The following SLC35F3 variants were observed in gnomAD, a reference collection of about 807,000 sequenced individuals.
The protein encoded by SLC35F3 is putative thiamine transporter SLC35F3.
SLC35F3 carries 25 observed loss-of-function variants against 49.9 expected under a neutral mutation model. That is an observed-to-expected ratio of 0.50 (90% CI 0.37 to 0.70). SLC35F3 has a LOEUF of 0.70. SLC35F3 is among the 30% of genes least tolerant of loss of function. The pLI is 0.00. For synonymous variants in SLC35F3, 275 were observed against 265.4 expected (o/e 1.04, Z -0.35); for missense variants, 525 against 639.8 (o/e 0.82, Z 1.94).
At position 233,905,687 on chromosome 1, in the gene SLC35F3, C is replaced by A. The variant is rs1661764341; in HGVS notation, c.212C>A (p.Thr71Lys). The change falls in exon 2 of 8, where the codon ACG becomes AAG. Residue 71 changes from threonine to lysine, a missense_variant. By Grantham distance (78) the Thr-to-Lys change is moderately conservative (BLOSUM62 -1). This residue lies in a region of SLC35F3 where 228 missense variants were observed against 218.9 expected (regional missense o/e 1.04). Transcript: ENST00000366618. Reference sequence around the variant, plus strand: ...CTCACCAGCGGGCCGGTGGGGCTCACGTCCATCGAGGAGCGGATCCTGCGC... The same window carrying A: ...CTCACCAGCGGGCCGGTGGGGCTCAAGTCCATCGAGGAGCGGATCCTGCGC... ...EDLTSGPVGL[T>K]SIEERILRIT... The A allele has an allele frequency of 5.0e-6, 8 of 1,614,196 alleles. No homozygotes were observed. The highest frequency in any genetic ancestry group is 6.8e-6 in the Non-Finnish European group (8 of 1,180,040).
chr1:234,150,060 C>T (rs923295609), intron 2 of SLC35F3, among the ~76,000 whole-genome samples: 4 of 152,236 alleles, frequency 2.6e-5, no homozygotes, highest in African/African-American at 9.6e-5. Context: ...TAGACTTTGG[C>T]TCCAACCAGC....
rs115310110 is a variant in SLC35F3, at chr1:233,979,638, G to T, written c.283+73880G>T. ...TAGGTGGGAACTGCTTAGGCTCCAT[G>T]CACTGTTTTAAAAAAAACTTTCAGC... is the stretch of plus-strand genomic sequence containing the variant. On this transcript the variant is annotated intron_variant, in intron 2 of 7. Coordinates refer to ENST00000366618, the MANE Select transcript of SLC35F3 (RefSeq NM_173508.4). 9.3e-3 allele frequency among the ~76,000 whole-genome samples: 1,409 copies of T among 152,210 alleles called. 11 individuals are homozygous for T. Among genetic ancestry groups the T allele is most frequent in the Middle Eastern group, 0.027 (8 of 294 alleles).
chr1:234,069,403 A>C (rs974133522), intron 2 of SLC35F3, among the ~76,000 whole-genome samples: 1 of 151,492 alleles, frequency 6.6e-6, no homozygotes, highest in South Asian at 2.1e-4. Flanking sequence ...GACTACAGGC[A>C]TGTGCCACCA....
At position 234,286,053 on chromosome 1, in the gene SLC35F3, A is replaced by G. The variant is rs143337441; in HGVS notation, c.609-23048A>G. Among the ~76,000 whole-genome samples, 220 of 152,342 alleles carry G rather than the reference A, an allele frequency of 1.4e-3. 2 individuals are homozygous for G. The highest frequency in any genetic ancestry group is 9.5e-3 in the South Asian group (46 of 4,830). On this transcript the variant is annotated intron_variant, in intron 3 of 7. Transcript: ENST00000366618. Reference sequence around the variant, plus strand: ...AAACTTACATTTGTAAAAGTTATCAATGACACAAAATCAGAGAGCATAGTG... The same window carrying G: ...AAACTTACATTTGTAAAAGTTATCAGTGACACAAAATCAGAGAGCATAGTG...
chr1:234,306,920 C>G (rs144626558), intron 3 of SLC35F3, among the ~76,000 whole-genome samples: 1 of 152,164 alleles, frequency 6.6e-6, no homozygotes, highest in African/African-American at 2.4e-5. Context: ...ATTCTGCTTG[C>G]ATGATGTTCT....
At chr1:234,019,557 T>TC (rs368040745) in intron 2 of SLC35F3, among the ~76,000 whole-genome samples, 13 of 152,270 alleles carry the variant, frequency 8.5e-5, no homozygotes, top group African/African-American at 2.9e-4. Context: ...GGGGTTTTTT[T>TC]CCTCAAGGCC....
chr1:234,032,293 G>T (rs145301934), intron 2 of SLC35F3, among the ~76,000 whole-genome samples: 168 of 152,118 alleles, frequency 1.1e-3, no homozygotes, highest in African/African-American at 3.9e-3. Flanking sequence ...CATTGAACTT[G>T]TGGTAAATTA....
At chr1:234,202,769 A>T (rs867498235) in intron 2 of SLC35F3, among the ~76,000 whole-genome samples, 3 of 152,238 alleles carry the variant, frequency 2.0e-5, no homozygotes, top group Non-Finnish European at 4.4e-5. Context: ...TAGCCTCTTC[A>T]CTCACACATA....
rs117945800 is a variant in SLC35F3 at position 234,034,952 on chromosome 1, C to A, written c.283+129194C>A. 2.3e-4 allele frequency among the ~76,000 whole-genome samples: 35 copies of A among 152,248 alleles called. No individual in the cohort carries two copies. In the East Asian group the frequency reaches 4.1e-3, roughly 18 times the overall value. On this transcript the variant is annotated intron_variant, in intron 2 of 7. Transcript: ENST00000366618. ...CATAAATTCAACTCCAAACTCTGCA[C>A]CAATTTTTTTTAAACTTTACTCAAG...
intron 2 of SLC35F3, among the ~76,000 whole-genome samples, chr1:234,030,561 C>T (rs1002214155): frequency 2.6e-4 from 39 of 152,142 alleles, no homozygotes; most frequent in Non-Finnish European, 1.3e-4. Context: ...AGTTATAAAG[C>T]GTTAACTCCT....
chr1:234,300,856 G>A (rs555888250), intron 3 of SLC35F3, among the ~76,000 whole-genome samples: 13 of 152,360 alleles, frequency 8.5e-5, no homozygotes, highest in African/African-American at 3.1e-4. Context: ...CTAGTCTCCA[G>A]CAGCAGTAGT....
At chr1:234,261,407 G>T (rs979160282) in intron 3 of SLC35F3, among the ~76,000 whole-genome samples, 1 of 152,148 alleles carries the variant, frequency 6.6e-6, no homozygotes, top group Non-Finnish European at 1.5e-5. Context: ...AACTGATATA[G>T]TTATCCTATA....
At chr1:234,122,263 T>G (rs984026233) in intron 2 of SLC35F3, among the ~76,000 whole-genome samples, 4 of 152,260 alleles carry the variant, frequency 2.6e-5, no homozygotes, top group Non-Finnish European at 5.9e-5. Flanking sequence ...AAAGCATTCA[T>G]GTGTTGTAAT....
chr1:234,257,958 C>T (rs1667847447), intron 3 of SLC35F3, among the ~76,000 whole-genome samples: 1 of 152,160 alleles, frequency 6.6e-6, no homozygotes, highest in Admixed American at 6.5e-5. Flanking sequence ...GTAGTGCTTA[C>T]AGGAAACCCT....
chr1:234,166,979 G>A (rs1666331621), intron 2 of SLC35F3, among the ~76,000 whole-genome samples: 1 of 152,180 alleles, frequency 6.6e-6, no homozygotes, highest in Non-Finnish European at 1.5e-5. Context: ...TCAAGATAGT[G>A]GTGTCAGCCA....
chr1:234,228,716 G>C (rs1667323882), intron 2 of SLC35F3, among the ~76,000 whole-genome samples: 1 of 152,106 alleles, frequency 6.6e-6, no homozygotes, highest in Non-Finnish European at 1.5e-5. Context: ...TAGGGGCACG[G>C]TTCTGCTGAG....
At chr1:234,047,466 G>C (rs556746500) in intron 2 of SLC35F3, among the ~76,000 whole-genome samples, 16 of 152,312 alleles carry the variant, frequency 1.1e-4, no homozygotes, top group African/African-American at 3.6e-4. Context: ...AATTCCTCTT[G>C]CCTGACTGCT....
At chr1:234,250,578 C>T (rs957926752) in intron 3 of SLC35F3, among the ~76,000 whole-genome samples, 5 of 143,212 alleles carry the variant, frequency 3.5e-5, no homozygotes, top group Non-Finnish European at 7.5e-5. Flanking sequence ...GGCGTGAACC[C>T]GGGAGGCGGA....
intron 2 of SLC35F3, 145 bp downstream of exon 2, chr1:233,905,903 A>T (rs1661768866): frequency 2.7e-6 from 2 of 729,168 alleles, no homozygotes; most frequent in Non-Finnish European, 4.5e-6. Flanking sequence ...TGCAACTTCG[A>T]GGAAGAGGCC....
Sources: allele counts gnomAD v4.1 joint callset (sites outside exome capture counted in the v4.1 genomes callset), GRCh38; gene constraint gnomAD v4.1.1; regional missense constraint gnomAD v4.1.1; transcripts MANE v1.5; gene names NCBI Gene and HGNC (gene_info 2026-07-23, HGNC 2026-07-21).